Variants in TBX20 observed in about 807,000 individuals in gnomAD.
TBX20 encodes T-box transcription factor TBX20.
In TBX20, 8 loss-of-function variants were observed where a neutral mutation model predicts 42.9. The observed-to-expected ratio is 0.19, with a 90% CI of 0.11 to 0.34. The LOEUF (loss-of-function observed/expected upper bound fraction) is 0.34. TBX20 is among the 10% of genes least tolerant of loss of function. TBX20 has a pLI of 1.00. For synonymous variants in TBX20, 198 were observed against 222.8 expected (o/e 0.89, Z 0.99); for missense variants, 411 against 566.0 (o/e 0.73, Z 2.78).
intron 1 of TBX20, among the ~76,000 whole-genome samples, chr7:35,252,064 A>C (rs1790315428): frequency 6.6e-6 from 1 of 152,206 alleles, no homozygotes; most frequent in Non-Finnish European, 1.5e-5. Flanking sequence ...AGAAAAATAA[A>C]GAGAGAAGGA....
intron 5 of TBX20, among the ~76,000 whole-genome samples, chr7:35,238,001 C>G (rs1302842793): frequency 6.6e-6 from 1 of 152,066 alleles, no homozygotes; most frequent in African/African-American, 2.4e-5. Context: ...GGGTTAAGGG[C>G]ACTCCCTCTT....
At chr7:35,213,960 G>T (rs1325985197) in intron 6 of TBX20, among the ~76,000 whole-genome samples, 1 of 150,524 alleles carries the variant, frequency 6.6e-6, no homozygotes, top group Non-Finnish European at 1.5e-5. Context: ...GTGAAAAGTG[G>T]GGGAGAGAAT....
rs2270222 is a variant in TBX20, at chr7:35,241,543, G to T, written c.655-506C>A. Among the ~76,000 whole-genome samples the T allele has an allele frequency of 3.3e-5, 5 of 152,046 alleles. No individual in the cohort carries two copies. The East Asian group carries it at 9.7e-4, about 29-fold the overall frequency. On this transcript the variant is annotated intron_variant, in intron 4 of 7. Transcript: ENST00000408931. ...TTTCTAGTCCTTTAATCCTTAGCCA[G>T]GTGATCTCATCTCCCCAATTCCTAG... is the stretch of plus-strand genomic sequence containing the variant.
Position 35,253,607 on chromosome 7 carries a change from G to A in TBX20, c.14C>T (p.Ala5Val), listed in dbSNP as rs776539771. Reference protein sequence around the residue: MEFTASPKPQLSSRA... With the variant: MEFTVSPKPQLSSRA... ...AGAGGAGAGTTGGGGCTTGGGGGAC[G>A]CCGTGAACTCCATGGTCCCCAGCAC... The change falls in exon 1 of 8, where the codon GCG becomes GTG. Residue 5 changes from alanine (A) to valine (V), a missense_variant. Around this residue, in one of 5 missense-constraint regions of TBX20, gnomAD observed 114 missense variants for 128.0 expected, o/e 0.89. Coordinates refer to ENST00000408931, the MANE Select transcript of TBX20 (RefSeq NM_001077653.2). 8 of 1,611,662 alleles carry A rather than the reference G, an allele frequency of 5.0e-6. No individual in the cohort carries two copies. Among genetic ancestry groups the A allele is most frequent in the Non-Finnish European group, 6.8e-6 (8 of 1,179,968 alleles).
At chr7:35,248,919 G>C (rs1397883302) in intron 2 of TBX20, 78 bp from the exon 3 acceptor site, 2 of 1,578,426 alleles carry the variant, frequency 1.3e-6, no homozygotes, top group African/African-American at 2.7e-5. Flanking sequence ...GAGAGGAAGG[G>C]AGGGAGGGAA....
rs1487281482 is a variant in TBX20 at position 35,253,564 on chromosome 7, G to A, written c.57C>T (p.Ser19=). 1.9e-6 allele frequency: 3 copies of A among 1,612,736 alleles called. No individual in the cohort carries two copies. The highest frequency in any genetic ancestry group is 2.5e-6 in the Non-Finnish European group (3 of 1,180,038). ...CGCCGCTCGACATGAGCGCGGCAAT[G>A]GAGAAGGCGTTGGCCCGAGAGGAGA... is the stretch of plus-strand genomic sequence containing the variant. ...PQLSSRANAF[S]IAALMSSGGS... The change falls in exon 1 of 8, where the codon TCC becomes TCT. Residue 19 remains serine, a synonymous_variant. Transcript: ENST00000408931.
chr7:35,252,051 C>T (rs1790315268), intron 1 of TBX20, among the ~76,000 whole-genome samples: 1 of 152,116 alleles, frequency 6.6e-6, no homozygotes, highest in Non-Finnish European at 1.5e-5. Flanking sequence ...GGTGGCTTTT[C>T]TCAGAAAAAT....
Position 35,202,903 on chromosome 7 carries a change from G to C in TBX20, c.1004-133C>G, listed in dbSNP as rs1183589508. The stretch of plus-strand genomic sequence containing the variant: ...GTAATTTAGAAAGACAAACACATAT[G>C]AGATCTGTCACGAGGCAAATCTACT... On this transcript the variant is annotated intron_variant, in intron 7 of 7. Transcript: ENST00000408931. 3.3e-6 allele frequency: 5 copies of C among 1,498,610 alleles called. No homozygotes were observed. The Admixed American group carries it at 1.0e-4, about 30-fold the overall frequency. 92.8% of individuals were successfully genotyped at this position (1,498,610 alleles called of 1,614,324 possible).
At chr7:35,238,041 A>C (rs1230353611) in intron 5 of TBX20, among the ~76,000 whole-genome samples, 1 of 152,100 alleles carries the variant, frequency 6.6e-6, no homozygotes, top group African/African-American at 2.4e-5. Context: ...TCAAATCTGC[A>C]ATGGGAGGAG....
chr7:35,218,945 T>C (rs1431434154), intron 6 of TBX20, among the ~76,000 whole-genome samples: 1 of 152,206 alleles, frequency 6.6e-6, no homozygotes, highest in Non-Finnish European at 1.5e-5. Flanking sequence ...GCAGAGTGCA[T>C]GTCCTCACCA....
chr7:35,227,256 G>C (rs1448629400), intron 6 of TBX20, among the ~76,000 whole-genome samples: 1 of 151,992 alleles, frequency 6.6e-6, no homozygotes, highest in Non-Finnish European at 1.5e-5. Flanking sequence ...ATAAGCTAAG[G>C]TTAATTTATT....
chr7:35,221,902 A>G (rs964720556), intron 6 of TBX20, among the ~76,000 whole-genome samples: 4 of 152,200 alleles, frequency 2.6e-5, no homozygotes, highest in Non-Finnish European at 4.4e-5. Context: ...AGAAAGACCA[A>G]GGGCTAAAAA....
chr7:35,209,406 C>T (rs1452890491), intron 6 of TBX20, among the ~76,000 whole-genome samples: 1 of 152,124 alleles, frequency 6.6e-6, no homozygotes, highest in Non-Finnish European at 1.5e-5. Flanking sequence ...ATTCTGTCTA[C>T]AAGAAATTTG....
At chr7:35,232,925 C>T (rs1789894791) in intron 5 of TBX20, among the ~76,000 whole-genome samples, 1 of 152,116 alleles carries the variant, frequency 6.6e-6, no homozygotes. Context: ...AGGAGGCTGA[C>T]ACGAGAATCA....
Position 35,253,828 on chromosome 7 carries a change from T to G in TBX20, c.-208A>C. The G allele has an allele frequency of 3.2e-6, 2 of 624,444 alleles. No homozygotes were observed. The highest frequency in any genetic ancestry group is 4.3e-5 in the South Asian group (2 of 46,642). The allele number at this position is 624,444 out of a possible 1,614,324, so 38.7% of individuals were successfully genotyped here. A position where few individuals can be genotyped will look rare whatever the true frequency, so the allele number is the denominator to read the frequency against. On this transcript the variant is annotated 5_prime_UTR_variant, in exon 1 of 8. Coordinates refer to ENST00000408931, the MANE Select transcript of TBX20 (RefSeq NM_001077653.2). The stretch of plus-strand genomic sequence containing the variant: ...CGCAAAGCCCCAGAGCCGCAGAGAC[T>G]TCGAAGGCAGCCGGAGAGGAGAGGG...
At chr7:35,227,683 C>G (rs1207622825) in intron 6 of TBX20, among the ~76,000 whole-genome samples, 1 of 152,136 alleles carries the variant, frequency 6.6e-6, no homozygotes, top group Admixed American at 6.5e-5. Flanking sequence ...CAATGCATTT[C>G]TCAGAATGCA....
intron 3 of TBX20, among the ~76,000 whole-genome samples, chr7:35,248,304 A>G (rs978191941): frequency 6.6e-6 from 1 of 152,236 alleles, no homozygotes; most frequent in Non-Finnish European, 1.5e-5. Flanking sequence ...GGATTTTAGG[A>G]CAACCATTTC....
intron 6 of TBX20, among the ~76,000 whole-genome samples, chr7:35,213,307 C>G (rs1272426492): frequency 5.3e-5 from 8 of 152,286 alleles, no homozygotes; most frequent in Admixed American, 5.2e-4. Flanking sequence ...CACCACACTC[C>G]CATACCAATT....
At chr7:35,212,712 A>G (rs894589053) in intron 6 of TBX20, among the ~76,000 whole-genome samples, 1 of 152,196 alleles carries the variant, frequency 6.6e-6, no homozygotes, top group African/African-American at 2.4e-5. Context: ...CTAAATCACA[A>G]GGTTTTCCAG....
Sources: allele counts gnomAD v4.1 joint callset (sites outside exome capture counted in the v4.1 genomes callset), GRCh38; gene constraint gnomAD v4.1.1; regional missense constraint gnomAD v4.1.1; transcripts MANE v1.5; gene names NCBI Gene and HGNC (gene_info 2026-07-23, HGNC 2026-07-21).